The following TMEM132B variants were observed in gnomAD, a reference collection of about 807,000 sequenced individuals.
TMEM132B encodes the protein transmembrane protein 132B.
TMEM132B carries 18 observed loss-of-function variants against 90.8 expected under a neutral mutation model. That is an observed-to-expected ratio of 0.20 (90% CI 0.14 to 0.29). The LOEUF is 0.29. Ranked by LOEUF, TMEM132B falls within the 10% of genes least tolerant of loss-of-function variation. The pLI is 1.00. For synonymous variants in TMEM132B, 504 were observed against 523.3 expected, an observed-to-expected ratio of 0.96 and a Z score of 0.50; for missense variants, 1,096 against 1,326.8, an observed-to-expected ratio of 0.83 and a Z score of 2.70.
chr12:125,215,039 G>T (rs1460306260), intron 1 of TMEM132B, among the ~76,000 whole-genome samples: 1 of 152,126 alleles, frequency 6.6e-6, no homozygotes. Context: ...GTCCCTTGAG[G>T]CTCAAGAAGT....
rs1373237571 is a variant in TMEM132B at position 125,407,189 on chromosome 12, C to T, written c.960-8342C>T. Reference sequence around the variant, plus strand: ...GAAGCACAGATTATCTGGCATGGCCCAAGACCTCAGGTAAACAAAGACACT... The same window carrying T: ...GAAGCACAGATTATCTGGCATGGCCTAAGACCTCAGGTAAACAAAGACACT... On this transcript the variant is annotated intron_variant, in intron 2 of 8. Transcript: ENST00000682704. This position sits in a 1 kb window ranked among gnomAD's most constrained non-coding sequence, Gnocchi z 6.7. 1.3e-5 allele frequency among the ~76,000 whole-genome samples: 2 copies of T among 152,210 alleles called. No individual in the cohort carries two copies. Among genetic ancestry groups the T allele is most frequent in the African/African-American group, 4.8e-5 (2 of 41,466 alleles).
intron 4 of TMEM132B, among the ~76,000 whole-genome samples, chr12:125,520,381 A>G (rs1883277184): frequency 6.6e-6 from 1 of 152,146 alleles, no homozygotes; most frequent in Non-Finnish European, 1.5e-5. Flanking sequence ...AAAGTGTGGG[A>G]TCCATGTCCA....
chr12:125,287,476 C>A (rs1387629508), intron 1 of TMEM132B, among the ~76,000 whole-genome samples: 1 of 152,028 alleles, frequency 6.6e-6, no homozygotes, highest in Non-Finnish European at 1.5e-5. Context: ...TTAAAGGTAC[C>A]ATTTCCAAGC....
chr12:125,316,104 C>A (rs772744375), intron 1 of TMEM132B, among the ~76,000 whole-genome samples: 43 of 152,208 alleles, frequency 2.8e-4, no homozygotes, highest in Non-Finnish European at 5.4e-4. Flanking sequence ...TTGCCCAGCT[C>A]AAAGGAAGAG....
intron 3 of TMEM132B, among the ~76,000 whole-genome samples, chr12:125,474,236 CTCTTT>C (rs1298865125): frequency 6.6e-6 from 1 of 150,866 alleles, no homozygotes; most frequent in Non-Finnish European, 1.5e-5. Context: ...CATTTCTCTT[CTCTTT>C]TCTCTCTCCC....
intron 1 of TMEM132B, among the ~76,000 whole-genome samples, chr12:125,322,952 C>T (rs1290004590): frequency 2.0e-5 from 3 of 152,096 alleles, no homozygotes; most frequent in African/African-American, 7.2e-5. Flanking sequence ...CAGTAGCAAA[C>T]CATGAGTACT....
intron 2 of TMEM132B, among the ~76,000 whole-genome samples, chr12:125,381,478 A>G (rs1408579858): frequency 6.6e-6 from 1 of 152,144 alleles, no homozygotes; most frequent in African/African-American, 2.4e-5. Flanking sequence ...GAGGCTAAAG[A>G]GTTTATCTAT....
At chr12:125,376,452 A>G (rs1450343292) in intron 2 of TMEM132B, among the ~76,000 whole-genome samples, 2 of 152,230 alleles carry the variant, frequency 1.3e-5, no homozygotes, top group Admixed American at 1.3e-4. Context: ...GTTGGTTGAC[A>G]GCAGGTGCCG....
At chr12:125,236,182 A>G (rs144888036) in intron 1 of TMEM132B, among the ~76,000 whole-genome samples, 124 of 147,308 alleles carry the variant, frequency 8.4e-4, no homozygotes, top group African/African-American at 2.9e-3. Context: ...ATCTCTCTCT[A>G]TTGCCCAGGG....
intron 2 of TMEM132B, among the ~76,000 whole-genome samples, chr12:125,384,511 C>T (rs531085970): frequency 2.0e-5 from 3 of 152,210 alleles, no homozygotes; most frequent in Admixed American, 6.5e-5. Context: ...AATCCATCAC[C>T]TCACATACTT....
At chr12:125,341,272 C>T (rs1877171426) in intron 1 of TMEM132B, among the ~76,000 whole-genome samples, 1 of 152,190 alleles carries the variant, frequency 6.6e-6, no homozygotes, top group African/African-American at 2.4e-5. Flanking sequence ...TCAGTTTTCT[C>T]ATTTATGAGT....
At chr12:125,212,128 A>G (rs889898398) in intron 1 of TMEM132B, among the ~76,000 whole-genome samples, 1 of 151,984 alleles carries the variant, frequency 6.6e-6, no homozygotes, top group Non-Finnish European at 1.5e-5. Flanking sequence ...GGGTCCTGAC[A>G]TTTGGTGGGC....
rs1566041169 is a variant in TMEM132B at position 125,454,392 on chromosome 12, T to TTTGTG, written c.1106+38716_1106+38717insTGTGT. 3.8e-3 allele frequency among the ~76,000 whole-genome samples: 426 copies of TTTGTG among 112,064 alleles called. 1 individual carries two copies. The highest frequency in any genetic ancestry group is 0.012 in the African/African-American group (414 of 35,178). 73.5% of individuals were successfully genotyped at this position (112,064 alleles called of 152,430 possible). A position where few individuals can be genotyped will look rare whatever the true frequency, so the allele number is the denominator to read the frequency against. On this transcript the variant is annotated intron_variant, in intron 3 of 8. Transcript: ENST00000682704. ...CAGCCAGCCGTGTGTGTGTGTGTGT[T>TTTGTG]TGTGTGTGTGTGTGTGTGTGTGTGT...
intron 2 of TMEM132B, among the ~76,000 whole-genome samples, chr12:125,400,014 A>C (rs1328980394): frequency 6.6e-6 from 1 of 152,128 alleles, no homozygotes; most frequent in East Asian, 1.9e-4. Flanking sequence ...AGACATTTCT[A>C]CAATTGTAGC....
At chr12:125,529,669 G>A (rs1452235536) in intron 4 of TMEM132B, among the ~76,000 whole-genome samples, 4 of 152,158 alleles carry the variant, frequency 2.6e-5, no homozygotes, top group Non-Finnish European at 5.9e-5. Flanking sequence ...GGGCCCTTGG[G>A]GTCTGTCCCA....
intron 6 of TMEM132B, among the ~76,000 whole-genome samples, chr12:125,646,977 C>A (rs528954773): frequency 6.6e-6 from 1 of 151,916 alleles, no homozygotes; most frequent in African/African-American, 2.4e-5. Flanking sequence ...AGCCTTGGAA[C>A]CAATTAAAAT....
At chr12:125,264,785 C>T (rs547743831) in intron 1 of TMEM132B, among the ~76,000 whole-genome samples, 3 of 152,352 alleles carry the variant, frequency 2.0e-5, no homozygotes, top group Admixed American at 2.0e-4. Context: ...TTATAAAGTC[C>T]ATCTGCATTC....
chr12:125,502,164 A>G (rs1377584726), intron 3 of TMEM132B, among the ~76,000 whole-genome samples: 1 of 152,116 alleles, frequency 6.6e-6, no homozygotes, highest in Non-Finnish European at 1.5e-5. Context: ...TGCCACTGAA[A>G]TCTCAGCTCT....
At chr12:125,226,269 G>A (rs1873679337) in intron 1 of TMEM132B, among the ~76,000 whole-genome samples, 1 of 152,168 alleles carries the variant, frequency 6.6e-6, no homozygotes, top group African/African-American at 2.4e-5. Context: ...TAGTACCCCA[G>A]CTTCCAGCCC....
Sources: allele counts gnomAD v4.1 joint callset (sites outside exome capture counted in the v4.1 genomes callset), GRCh38; gene constraint gnomAD v4.1.1; non-coding constraint Gnocchi (gnomAD v3.1); transcripts MANE v1.5; gene names NCBI Gene and HGNC (gene_info 2026-07-23, HGNC 2026-07-21).